Variants in ADCY6 observed in about 807,000 individuals in gnomAD.
ADCY6 encodes the protein adenylate cyclase type 6.
A neutral mutation model predicts 111.6 loss-of-function variants in ADCY6; 59 were observed. That is an observed-to-expected ratio of 0.53 (90% CI 0.43 to 0.66). The LOEUF is 0.66. ADCY6 is among the 30% of genes least tolerant of loss of function. ADCY6 has a pLI of 0.00. For missense variants in ADCY6, 1,242 were observed against 1,595.6 expected, an observed-to-expected ratio of 0.78 and a Z score of 3.78; for synonymous variants, 576 against 642.9, an observed-to-expected ratio of 0.90 and a Z score of 1.57.
intron 20 of ADCY6, among the ~76,000 whole-genome samples, chr12:48,769,997 G>A (rs1360582538): frequency 2.6e-5 from 4 of 151,452 alleles, no homozygotes; most frequent in South Asian, 4.2e-4. Context: ...TCTTGACCTC[G>A]TGATCCGCCT....
Position 48,774,345 on chromosome 12 carries a change from G to C in ADCY6, c.2283+57C>G, listed in dbSNP as rs3730072. ...TCCTTTTCTCCGCTGTACTCCCAGT[G>C]TCCAGGACAGTGCTTGGCACAGAGC... is the stretch of plus-strand genomic sequence containing the variant. On this transcript the variant is annotated intron_variant, in intron 14 of 21. Transcript: ENST00000357869. The C allele has an allele frequency of 0.14, 208,398 of 1,503,462 alleles. 15,400 individuals carry two copies. Among genetic ancestry groups the C allele is most frequent in the African/African-American group, 0.19 (13,999 of 72,566 alleles). 93.1% of individuals were successfully genotyped at this position (1,503,462 alleles called of 1,614,324 possible).
In ADCY6 at chr12:48,771,526, C is replaced by G. The variant is rs1037171942; in HGVS notation, c.3051+184G>C. On this transcript the variant is annotated intron_variant, in intron 19 of 21. Coordinates refer to ENST00000357869, the MANE Select transcript of ADCY6 (RefSeq NM_015270.5). The surrounding 1 kb of genome is among the most constrained non-coding windows in gnomAD (Gnocchi z 4.3). ...ATGACCCTGCCCCACTAGGGCTGAC[C>G]CCCTTGCTGCCTCTGACACCTTCAT... 2 of 945,876 alleles carry G rather than the reference C, an allele frequency of 2.1e-6. No homozygotes were observed. The highest frequency in any genetic ancestry group is 3.2e-5 in the African/African-American group (2 of 61,600). The allele number at this position is 945,876 out of a possible 1,614,324, so 58.6% of individuals were successfully genotyped here. A position where few individuals can be genotyped will look rare whatever the true frequency, so the allele number is the denominator to read the frequency against.
rs367705409 is a variant in ADCY6 at position 48,777,580 on chromosome 12, C to G, written c.1136+35G>C. ...TAGCCCTCAAAGACTTCCAGACCCCCCGCCCTGCTGGGCATCCTCCTACCC... is the reference window on the plus strand; with the variant it reads ...TAGCCCTCAAAGACTTCCAGACCCCGCGCCCTGCTGGGCATCCTCCTACCC... On this transcript the variant is annotated intron_variant, in intron 4 of 21. Coordinates refer to ENST00000357869, the MANE Select transcript of ADCY6 (RefSeq NM_015270.5). The surrounding 1 kb of genome is among the most constrained non-coding windows in gnomAD (Gnocchi z 4.9). 4.8e-5 allele frequency: 78 copies of G among 1,612,800 alleles called. No homozygotes were observed. The highest frequency in any genetic ancestry group is 6.2e-5 in the Non-Finnish European group (73 of 1,179,956).
chr12:48,771,779 C>T lies in ADCY6; in HGVS notation c.2982G>A (p.Glu994=). ...SIANFSEFYV[E]LEANNEGVEC... ...CGACACCCTCATTGTTTGCCTCCAG[C>T]TCCACATAGAACTCAGAGAAGTTGG... Residue 994 remains glutamate, a synonymous_variant, in exon 19 of 22, where the codon GAG becomes GAA. Coordinates refer to ENST00000357869, the MANE Select transcript of ADCY6 (RefSeq NM_015270.5). This position sits in a 1 kb window ranked among gnomAD's most constrained non-coding sequence, Gnocchi z 4.3. 1 of 1,614,196 alleles carries T rather than the reference C, an allele frequency of 6.2e-7. No homozygotes were observed. Among genetic ancestry groups the T allele is most frequent in the Non-Finnish European group, 8.5e-7 (1 of 1,180,044 alleles).
intron 1 of ADCY6, chr12:48,783,681 A>T: frequency 2.4e-6 from 2 of 827,536 alleles, no homozygotes; most frequent in East Asian, 3.0e-5. Context: ...AGTGGCTTAC[A>T]CCTGTAATCC....
In ADCY6 at chr12:48,776,116, C is replaced by G. The variant is rs1170587431; in HGVS notation, c.1678-25G>C. The G allele has an allele frequency of 1.2e-6, 2 of 1,613,894 alleles. No homozygotes were observed. Among genetic ancestry groups the G allele is most frequent in the Non-Finnish European group, 1.7e-6 (2 of 1,179,888 alleles). On this transcript the variant is annotated intron_variant, in intron 8 of 21. Coordinates refer to ENST00000357869, the MANE Select transcript of ADCY6 (RefSeq NM_015270.5). This position sits in a 1 kb window ranked among gnomAD's most constrained non-coding sequence, Gnocchi z 6.1. ...TCTGTGCGGGCAGCATGGGTACAGGCTCAGAAGAGGGGCCCAGAGGAGGCC... is the reference window on the plus strand; with the variant it reads ...TCTGTGCGGGCAGCATGGGTACAGGGTCAGAAGAGGGGCCCAGAGGAGGCC...
chr12:48,778,324 A>G (rs1447062092), intron 2 of ADCY6, 67 bp from the exon 3 acceptor site: 2 of 1,594,138 alleles, frequency 1.3e-6, no homozygotes, highest in Non-Finnish European at 1.7e-6. Flanking sequence ...ACACACACAC[A>G]TTCACACAAC....
At position 48,771,089 on chromosome 12, in the gene ADCY6, C is replaced by A; in HGVS notation, c.3052-119G>T. ...CCCACTTCCCTGTCTCAAGAGCCCCCTTCCAGCTGCTGCTATCAGTGTAAG... is the reference window on the plus strand; with the variant it reads ...CCCACTTCCCTGTCTCAAGAGCCCCATTCCAGCTGCTGCTATCAGTGTAAG... On this transcript the variant is annotated intron_variant, in intron 19 of 21. Coordinates refer to ENST00000357869, the MANE Select transcript of ADCY6 (RefSeq NM_015270.5). This position sits in a 1 kb window ranked among gnomAD's most constrained non-coding sequence, Gnocchi z 4.3. 1.0e-6 allele frequency: 1 copy of A among 967,484 alleles called. No homozygotes were observed. The highest frequency in any genetic ancestry group is 1.5e-6 in the Non-Finnish European group (1 of 647,468). The allele number at this position is 967,484 out of a possible 1,614,324, so 59.9% of individuals were successfully genotyped here. A position where few individuals can be genotyped will look rare whatever the true frequency, so the allele number is the denominator to read the frequency against.
At position 48,773,474 on chromosome 12, in the gene ADCY6, A is replaced by G. The variant is rs1184440055; in HGVS notation, c.2616T>C (p.His872=). The G allele has an allele frequency of 6.2e-7, 1 of 1,613,746 alleles. No individual in the cohort carries two copies. Among genetic ancestry groups the G allele is most frequent in the African/African-American group, 1.3e-5 (1 of 75,012 alleles). The change falls in exon 16 of 22, where the codon CAT becomes CAC. Residue 872 remains histidine, a synonymous_variant. Coordinates refer to ENST00000357869, the MANE Select transcript of ADCY6 (RefSeq NM_015270.5). ...GGACCTGAGAATAAACTCACAAGCC[A>G]TGGACGCCAAGCAGTAGGTCATAGT... ...FDNYDLLLGV[H]GLASSNETFD... is the part of the protein sequence containing the mutation.
chr12:48,773,471 G>A lies in ADCY6; in HGVS notation c.2619C>T (p.Gly873=). 6.2e-7 allele frequency: 1 copy of A among 1,613,608 alleles called. No individual in the cohort carries two copies. The highest frequency in any genetic ancestry group is 8.5e-7 in the Non-Finnish European group (1 of 1,179,708). ...AAAGGACCTGAGAATAAACTCACAAGCCATGGACGCCAAGCAGTAGGTCAT... is the reference window on the plus strand; with the variant it reads ...AAAGGACCTGAGAATAAACTCACAAACCATGGACGCCAAGCAGTAGGTCAT... ...DNYDLLLGVH[G]LASSNETFDG... is the part of the protein sequence containing the mutation. The change falls in exon 16 of 22, where the codon GGC becomes GGT. Residue 873 remains glycine, a splice_region_variant and synonymous_variant. Coordinates refer to ENST00000357869, the MANE Select transcript of ADCY6 (RefSeq NM_015270.5).
chr12:48,768,465 A>AT lies in ADCY6; in HGVS notation c.*125dup, dbSNP rs1941433569. The AT allele has an allele frequency of 1.5e-6, 2 of 1,369,440 alleles. No individual in the cohort carries two copies. Among genetic ancestry groups the AT allele is most frequent in the Non-Finnish European group, 2.1e-6 (2 of 972,400 alleles). The allele number at this position is 1,369,440 out of a possible 1,614,324, so 84.8% of individuals were successfully genotyped here. A position where few individuals can be genotyped will look rare whatever the true frequency, so the allele number is the denominator to read the frequency against. The stretch of plus-strand genomic sequence containing the variant: ...CATGATCCAAGCACAGCCTGCTGGG[A>AT]TGTTCCCTTTTGTGGTTAGCAGGGT... On this transcript the variant is annotated 3_prime_UTR_variant, in exon 22 of 22. Transcript: ENST00000357869.
At position 48,766,488 on chromosome 12, in the gene ADCY6, T is replaced by C. The variant is rs1163422775; in HGVS notation, c.*2103A>G. 2 of 152,814 alleles carry C rather than the reference T, an allele frequency of 1.3e-5. No homozygotes were observed. The highest frequency in any genetic ancestry group is 1.9e-4 in the East Asian group (1 of 5,180). The allele number at this position is 152,814 out of a possible 1,614,324, so 9.5% of individuals were successfully genotyped here. On this transcript the variant is annotated 3_prime_UTR_variant, in exon 22 of 22. Transcript: ENST00000357869. Reference sequence around the variant, plus strand: ...AGGTCTTCCCACTCTGATCTACTTATACCCTCACCCCTACCCCATGGCACC... The same window carrying C: ...AGGTCTTCCCACTCTGATCTACTTACACCCTCACCCCTACCCCATGGCACC...
At position 48,767,358 on chromosome 12, in the gene ADCY6, C is replaced by T. The variant is rs1202000738; in HGVS notation, c.*1233G>A. Reference sequence around the variant, plus strand: ...ACTCCTCTCCCTCCTTTTGCTACCACACCCCATCCCACTCCTGTGCAACCT... The same window carrying T: ...ACTCCTCTCCCTCCTTTTGCTACCATACCCCATCCCACTCCTGTGCAACCT... On this transcript the variant is annotated 3_prime_UTR_variant, in exon 22 of 22. Transcript: ENST00000357869. 1.5e-3 allele frequency: 235 copies of T among 152,834 alleles called. 2 individuals carry two copies. The highest frequency in any genetic ancestry group is 1.5e-5 in the Non-Finnish European group (1 of 68,108). The allele number at this position is 152,834 out of a possible 1,614,324, so 9.5% of individuals were successfully genotyped here. A position where few individuals can be genotyped will look rare whatever the true frequency, so the allele number is the denominator to read the frequency against.
chr12:48,775,759 T>C, intron 9 of ADCY6, 61 bp from the exon 10 acceptor site: 1 of 1,580,386 alleles, frequency 6.3e-7, no homozygotes. Flanking sequence ...TCTCTGCAGC[T>C]CCTTCCCCCA....
rs781065644 is a variant in ADCY6, at chr12:48,772,058, G to A, written c.2788-85C>T. 4 of 1,512,072 alleles carry A rather than the reference G, an allele frequency of 2.6e-6. No homozygotes were observed. In the South Asian group the frequency reaches 4.0e-5, roughly 15 times the overall value. 93.7% of individuals were successfully genotyped at this position (1,512,072 alleles called of 1,614,324 possible). A position where few individuals can be genotyped will look rare whatever the true frequency, so the allele number is the denominator to read the frequency against. ...CAAGGCTTGGAAGTGCGGATAAGAGGGAATCACATAGAGAAAGAAAGGCCC... is the reference window on the plus strand; with the variant it reads ...CAAGGCTTGGAAGTGCGGATAAGAGAGAATCACATAGAGAAAGAAAGGCCC... On this transcript the variant is annotated intron_variant, in intron 18 of 21. Coordinates refer to ENST00000357869, the MANE Select transcript of ADCY6 (RefSeq NM_015270.5).
Position 48,774,441 on chromosome 12 carries a change from A to C in ADCY6, c.2244T>G (p.Phe748Leu). 2 of 1,614,004 alleles carry C rather than the reference A, an allele frequency of 1.2e-6. No homozygotes were observed. Among genetic ancestry groups the C allele is most frequent in the Non-Finnish European group, 1.7e-6 (2 of 1,179,978 alleles). The change falls in exon 14 of 22, where the codon TTT (phenylalanine) becomes TTG (leucine). Residue 748 changes from phenylalanine to leucine, a missense_variant. Physicochemically the swap from Phe to Leu is conservative, Grantham distance 22. Transcript: ENST00000357869. ...CAGAAGTAAACACAAGCAGGACGGA[A>C]AAGATGCCAACTGCGGTGCTATGTG... is the stretch of plus-strand genomic sequence containing the variant. ...SRAHSTAVGI[F>L]SVLLVFTSAI...
Position 48,776,977 on chromosome 12 carries a change from A to T in ADCY6, c.1376+127T>A. 1 of 1,363,690 alleles carries T rather than the reference A, an allele frequency of 7.3e-7. No individual in the cohort carries two copies. The highest frequency in any genetic ancestry group is 9.9e-7 in the Non-Finnish European group (1 of 1,009,598). The allele number at this position is 1,363,690 out of a possible 1,614,324, so 84.5% of individuals were successfully genotyped here. A position where few individuals can be genotyped will look rare whatever the true frequency, so the allele number is the denominator to read the frequency against. On this transcript the variant is annotated intron_variant, in intron 6 of 21. Transcript: ENST00000357869. The surrounding 1 kb of genome is among the most constrained non-coding windows in gnomAD (Gnocchi z 6.1). Reference sequence around the variant, plus strand: ...AGGTTGGAGAAAGATTCCCCTTCCCAGTGACAGACAGACCTCAAAGACAGA... The same window carrying T: ...AGGTTGGAGAAAGATTCCCCTTCCCTGTGACAGACAGACCTCAAAGACAGA...
chr12:48,778,125 G>T lies in ADCY6; in HGVS notation c.997C>A (p.His333Asn). 5 of 1,611,850 alleles carry T rather than the reference G, an allele frequency of 3.1e-6. No individual in the cohort carries two copies. Among genetic ancestry groups the T allele is most frequent in the African/African-American group, 1.3e-5 (1 of 75,032 alleles). Reference sequence around the variant, plus strand: ...AGCCCCACCTGCTGCCGATTCTCATGCTGCAGGTGGAGCCGGGCCTGGATG... The same window carrying T: ...AGCCCCACCTGCTGCCGATTCTCATTCTGCAGGTGGAGCCGGGCCTGGATG... ...GYIQARLHLQ[H>N]ENRQQERLLL... The change falls in exon 3 of 22, where the codon CAT (histidine) becomes AAT (asparagine). Residue 333 changes from histidine (H) to asparagine (N), a missense_variant. Physicochemically the swap from His to Asn is moderately conservative, Grantham distance 68. Coordinates refer to ENST00000357869, the MANE Select transcript of ADCY6 (RefSeq NM_015270.5).
chr12:48,781,153 G>C (rs1177636213), intron 2 of ADCY6, among the ~76,000 whole-genome samples: 2 of 150,684 alleles, frequency 1.3e-5, no homozygotes, highest in Non-Finnish European at 3.0e-5. Flanking sequence ...AGCTGAGATC[G>C]CGCCACTGCA....
Sources: allele counts gnomAD v4.1 joint callset (sites outside exome capture counted in the v4.1 genomes callset), GRCh38; gene constraint gnomAD v4.1.1; non-coding constraint Gnocchi (gnomAD v3.1); transcripts MANE v1.5; gene names NCBI Gene and HGNC (gene_info 2026-07-23, HGNC 2026-07-21).